The following RPSA2 variants were observed in gnomAD, a reference collection of about 807,000 sequenced individuals.
RPSA2 encodes small ribosomal subunit protein uS2B.
the RPSA2 span, among the ~76,000 whole-genome samples, chr19:23,789,438 G>A: frequency 2.6e-5 from 4 of 152,308 alleles, no homozygotes; most frequent in Admixed American, 2.0e-4. Context: ...AGCCCCAGGT[G>A]ATGTGACTCT....
chr19:23,782,545 G>A, the RPSA2 span: 2 of 151,970 alleles, frequency 1.3e-5, no homozygotes, highest in Admixed American at 6.6e-5. Flanking sequence ...CTCTTCTGCC[G>A]GGGCCATGCC....
the RPSA2 span, among the ~76,000 whole-genome samples, chr19:23,766,451 A>ATTTT: frequency 5.8e-5 from 6 of 102,706 alleles, 1 homozygote; most frequent in Admixed American, 6.4e-4. Context: ...TCTCAAGCTA[A>ATTTT]TTTTTTTTTT....
the RPSA2 span, among the ~76,000 whole-genome samples, chr19:23,820,435 G>C: frequency 6.6e-6 from 1 of 152,182 alleles, no homozygotes; most frequent in Admixed American, 6.5e-5. Flanking sequence ...CTGTCACTTA[G>C]AGAGTAACTC....
At chr19:23,808,957 C>T in the RPSA2 span, 3 of 241,220 alleles carry the variant, frequency 1.2e-5, no homozygotes, top group East Asian at 1.2e-4. Context: ...TATACTCTCA[C>T]GTAGGGGCAT....
At chr19:23,761,335 T>C in the RPSA2 span, among the ~76,000 whole-genome samples, 1 of 152,242 alleles carries the variant, frequency 6.6e-6, no homozygotes, top group Admixed American at 6.5e-5. Context: ...CCACCATGGC[T>C]TTCCAAAGTG....
chr19:23,861,455 A>C, the RPSA2 span, among the ~76,000 whole-genome samples: 1 of 152,084 alleles, frequency 6.6e-6, no homozygotes, highest in Non-Finnish European at 1.5e-5. Flanking sequence ...CACTTCTAGC[A>C]TATCTCCCCC....
chr19:23,786,527 C>T, the RPSA2 span, among the ~76,000 whole-genome samples: 6 of 152,164 alleles, frequency 3.9e-5, no homozygotes, highest in African/African-American at 1.2e-4. Context: ...CCAAATGTGC[C>T]TTACATGTTG....
chr19:23,805,842 G>A, the RPSA2 span, among the ~76,000 whole-genome samples: 39 of 152,064 alleles, frequency 2.6e-4, no homozygotes, highest in African/African-American at 9.4e-4. Flanking sequence ...ATAGTCAAGG[G>A]TCTCTGAAAA....
the RPSA2 span, among the ~76,000 whole-genome samples, chr19:23,802,396 CTTT>C: frequency 6.6e-6 from 1 of 152,142 alleles, no homozygotes; most frequent in Non-Finnish European, 1.5e-5. Context: ...GTTTCATTTT[CTTT>C]TTAGAATCAG....
chr19:23,761,901 A>ATCCTTCCTTCCTTCC, the RPSA2 span, among the ~76,000 whole-genome samples: 3 of 34,030 alleles, frequency 8.8e-5, no homozygotes, highest in Non-Finnish European at 1.3e-4. Flanking sequence ...GGGTAACGTA[A>ATCCTTCCTTCCTTCC]TTCTTTCTTT....
At chr19:23,759,342 T>C in the RPSA2 span, among the ~76,000 whole-genome samples, 1 of 152,026 alleles carries the variant, frequency 6.6e-6, no homozygotes, top group South Asian at 2.1e-4. Context: ...ACGCGCTCTT[T>C]AGCACTGCGT....
the RPSA2 span, among the ~76,000 whole-genome samples, chr19:23,838,127 A>G: frequency 9.2e-5 from 14 of 152,144 alleles, no homozygotes; most frequent in Non-Finnish European, 1.0e-4. Context: ...TTTTATGCCA[A>G]CTTTGCTGAG....
chr19:23,794,258 T>C, the RPSA2 span, among the ~76,000 whole-genome samples: 3 of 152,204 alleles, frequency 2.0e-5, no homozygotes, highest in Non-Finnish European at 4.4e-5. Context: ...CTGTTTTTAG[T>C]TCTGTGAGGA....
the RPSA2 span, among the ~76,000 whole-genome samples, chr19:23,807,495 A>G: frequency 1.3e-5 from 2 of 152,170 alleles, no homozygotes; most frequent in East Asian, 1.9e-4. Context: ...TGTCTTTTTC[A>G]TCTGAAAAAC....
the RPSA2 span, among the ~76,000 whole-genome samples, chr19:23,825,046 C>T: frequency 6.6e-6 from 1 of 151,992 alleles, no homozygotes; most frequent in Non-Finnish European, 1.5e-5. Flanking sequence ...GTGGCACAAT[C>T]TCAGCTCATG....
chr19:23,855,254 T>C, the RPSA2 span, among the ~76,000 whole-genome samples: 3 of 152,166 alleles, frequency 2.0e-5, no homozygotes, highest in Non-Finnish European at 4.4e-5. Context: ...CAGACGGGCC[T>C]TCTCTGACCA....
chr19:23,808,608 TG>T, the RPSA2 span: 1 of 303,938 alleles, frequency 3.3e-6, no homozygotes, highest in Non-Finnish European at 6.6e-6. Flanking sequence ...ATTAGTATAT[TG>T]GGATAAATTT....
the RPSA2 span, among the ~76,000 whole-genome samples, chr19:23,786,862 AT>A: frequency 2.0e-5 from 3 of 152,036 alleles, no homozygotes; most frequent in African/African-American, 7.2e-5. Flanking sequence ...TATAGGGGAC[AT>A]TGTGACATGT....
chr19:23,789,018 T>TC, the RPSA2 span, among the ~76,000 whole-genome samples: 1 of 61,040 alleles, frequency 1.6e-5, no homozygotes, highest in Non-Finnish European at 3.2e-5. Flanking sequence ...TTTTTTTCTT[T>TC]CTTTCTTTTT....
Sources: allele counts gnomAD v4.1 joint callset (sites outside exome capture counted in the v4.1 genomes callset), GRCh38; gene constraint gnomAD v4.1.1; transcripts MANE v1.5; gene names NCBI Gene and HGNC (gene_info 2026-07-23, HGNC 2026-07-21).